Variants in PRUNE2 observed in about 807,000 individuals in gnomAD.
The protein encoded by PRUNE2 is prune homolog 2 with BCH domain, also known as protein prune homolog 2.
In PRUNE2, 164 loss-of-function variants were observed where a neutral mutation model predicts 252.0. That is an observed-to-expected ratio of 0.65 (90% confidence interval 0.57 to 0.74). The LOEUF is 0.74. Ranked by LOEUF, PRUNE2 falls within the 30% of genes least tolerant of loss-of-function variation. The pLI is 0.00. For synonymous variants in PRUNE2, 1,292 were observed against 1,350.2 expected, an observed-to-expected ratio of 0.96 and a Z score of 0.94; for missense variants, 3,495 against 3,711.0, an observed-to-expected ratio of 0.94 and a Z score of 1.51.
intron 6 of PRUNE2, among the ~76,000 whole-genome samples, chr9:76,804,843 T>A (rs753161401): frequency 7.9e-5 from 12 of 152,142 alleles, no homozygotes; most frequent in African/African-American, 1.4e-4. Flanking sequence ...TTTGAAAACT[T>A]CTCTCTTCCT....
chr9:76,641,896 C>T, intron 12 of PRUNE2: 1 of 1,500,708 alleles, frequency 6.7e-7, no homozygotes, highest in Non-Finnish European at 8.8e-7. Flanking sequence ...AACATACACA[C>T]ACACACACCA....
intron 18 of PRUNE2, among the ~76,000 whole-genome samples, chr9:76,617,658 GAAGT>G (rs1055114694): frequency 2.6e-5 from 4 of 152,164 alleles, no homozygotes; most frequent in African/African-American, 9.7e-5. Context: ...TAAAAAGTGG[GAAGT>G]AACAATAACA....
intron 1 of PRUNE2, among the ~76,000 whole-genome samples, chr9:76,896,744 A>G (rs2062846151): frequency 1.3e-5 from 2 of 152,144 alleles, no homozygotes; most frequent in Admixed American, 6.6e-5. Flanking sequence ...CTAACCCTGG[A>G]TCTTCTCCTG....
At chr9:76,881,620 CT>C (rs528980648) in intron 1 of PRUNE2, among the ~76,000 whole-genome samples, 5,723 of 142,012 alleles carry the variant, frequency 0.04, 351 homozygotes, top group African/African-American at 0.13. Flanking sequence ...CTGGACATTT[CT>C]TTTTTTTTTT....
chr9:76,788,505 G>C (rs768698594), intron 6 of PRUNE2: 1 of 719,496 alleles, frequency 1.4e-6, no homozygotes, highest in South Asian at 1.5e-5. Context: ...CCAGCCATGT[G>C]CCCTTGGGGA....
In PRUNE2 at chr9:76,718,560, C is replaced by T. The variant is rs116679761; in HGVS notation, c.757-4839G>A. The stretch of plus-strand genomic sequence containing the variant: ...TAATTCCTTCACCTTCCTGACACCA[C>T]ACACCTTGTTTTTCTCCGGATTCAC... On this transcript the variant is annotated intron_variant, in intron 6 of 18. Coordinates refer to ENST00000376718, the MANE Select transcript of PRUNE2 (RefSeq NM_015225.3). Among the ~76,000 whole-genome samples the T allele has an allele frequency of 5.8e-3, 876 of 152,340 alleles. 5 individuals carry two copies. The highest frequency in any genetic ancestry group is 0.019 in the African/African-American group (789 of 41,572).
chr9:76,647,977 A>G (rs1486209101), intron 11 of PRUNE2, among the ~76,000 whole-genome samples: 1 of 152,154 alleles, frequency 6.6e-6, no homozygotes, highest in African/African-American at 2.4e-5. Context: ...AACAACAACA[A>G]CAACAAAAAC....
intron 9 of PRUNE2, among the ~76,000 whole-genome samples, chr9:76,680,409 C>A (rs1297340451): frequency 6.6e-6 from 1 of 152,040 alleles, no homozygotes; most frequent in African/African-American, 2.4e-5. Context: ...GGTGAGGATA[C>A]AGAGAAATTG....
chr9:76,704,845 T>A lies in PRUNE2; in HGVS notation c.7429A>T (p.Ile2477Phe), dbSNP rs765730620. Reference protein sequence around the residue: ...VYLPVGAGSNILSPSNVDWEV... With the variant: ...VYLPVGAGSNFLSPSNVDWEV... ...CAGTCAACGTTTGATGGAGACAAAATGTTGGAGCCTGCTCCTACCGGCAAA... is the reference window on the plus strand; with the variant it reads ...CAGTCAACGTTTGATGGAGACAAAAAGTTGGAGCCTGCTCCTACCGGCAAA... The change falls in exon 8 of 19, where the codon ATT becomes TTT. Residue 2477 changes from isoleucine to phenylalanine, a missense_variant. By Grantham distance (21) the Ile-to-Phe change is conservative. Transcript: ENST00000376718. The A allele has an allele frequency of 4.9e-5, 78 of 1,597,084 alleles. No individual in the cohort carries two copies. The highest frequency in any genetic ancestry group is 6.2e-5 in the Non-Finnish European group (72 of 1,170,692).
intron 6 of PRUNE2, among the ~76,000 whole-genome samples, chr9:76,815,841 C>T (rs1420240834): frequency 6.6e-6 from 1 of 152,106 alleles, no homozygotes; most frequent in Non-Finnish European, 1.5e-5. Flanking sequence ...CAAGTTGTCT[C>T]CAACTTGAGT....
chr9:76,818,628 C>T (rs994781767), intron 6 of PRUNE2, among the ~76,000 whole-genome samples: 5 of 151,930 alleles, frequency 3.3e-5, no homozygotes, highest in Non-Finnish European at 7.4e-5. Context: ...AGAAAACGGC[C>T]CTGAACAATT....
chr9:76,762,385 G>A (rs2051821040), intron 6 of PRUNE2, among the ~76,000 whole-genome samples: 6 of 152,190 alleles, frequency 3.9e-5, no homozygotes, highest in Admixed American at 3.9e-4. Context: ...AATGGCGGTT[G>A]CAGAAATGTG....
intron 6 of PRUNE2, among the ~76,000 whole-genome samples, chr9:76,732,594 C>T (rs1050099962): frequency 7.9e-5 from 12 of 152,188 alleles, no homozygotes; most frequent in Non-Finnish European, 7.4e-5. Context: ...GGTTAGCAGG[C>T]CTGATTAACT....
intron 6 of PRUNE2, among the ~76,000 whole-genome samples, chr9:76,748,116 T>C (rs1347896669): frequency 6.6e-6 from 1 of 152,144 alleles, no homozygotes; most frequent in African/African-American, 2.4e-5. Flanking sequence ...ATACTAGGAA[T>C]TCTGGTCAAA....
At chr9:76,815,782 T>A (rs562261492) in intron 6 of PRUNE2, among the ~76,000 whole-genome samples, 1 of 152,228 alleles carries the variant, frequency 6.6e-6, no homozygotes, top group African/African-American at 2.4e-5. Context: ...TTAAGTCCAT[T>A]TGAAACTGAC....
chr9:76,719,549 G>T (rs188561555), intron 6 of PRUNE2, among the ~76,000 whole-genome samples: 1 of 151,968 alleles, frequency 6.6e-6, no homozygotes, highest in Non-Finnish European at 1.5e-5. Context: ...ACTTTGGGAG[G>T]CCAGGGCAGA....
Position 76,709,828 on chromosome 9 carries a change from A to AG in PRUNE2, c.2445dup (p.Trp816LeufsTer14). ...TTGCTGCTTGTTGGGTGCAAATTCC[A>AG]GGTATTTTTTAAAGCTTCATCATGA... On this transcript the variant is annotated frameshift_variant, in exon 8 of 19. Coordinates refer to ENST00000376718, the MANE Select transcript of PRUNE2 (RefSeq NM_015225.3). LOFTEE classifies it high-confidence loss of function. 6.2e-7 allele frequency: 1 copy of AG among 1,613,884 alleles called. No homozygotes were observed. The highest frequency in any genetic ancestry group is 1.1e-5 in the South Asian group (1 of 91,072).
At chr9:76,883,440 A>G (rs989992486) in intron 1 of PRUNE2, among the ~76,000 whole-genome samples, 4 of 152,210 alleles carry the variant, frequency 2.6e-5, no homozygotes, top group Admixed American at 2.6e-4. Context: ...TTGGATACCA[A>G]ACTAACCATG....
rs1250776235 is a variant in PRUNE2, at chr9:76,704,888, T to C, written c.7386A>G (p.Glu2462=). The change falls in exon 8 of 19, where the codon GAA becomes GAG. Residue 2462 remains glutamate (E), a synonymous_variant. Transcript: ENST00000376718. ...CCGGCAAATAAACGGACTCAGGGTCTTCACGAATATGCAGCACAGCCAGCT... is the reference window on the plus strand; with the variant it reads ...CCGGCAAATAAACGGACTCAGGGTCCTCACGAATATGCAGCACAGCCAGCT... ...GSQLAVLHIR[E]DPESVYLPVG... is the part of the protein sequence containing the mutation. The C allele has an allele frequency of 6.2e-7, 1 of 1,609,368 alleles. No individual in the cohort carries two copies. Among genetic ancestry groups the C allele is most frequent in the Non-Finnish European group, 8.5e-7 (1 of 1,177,616 alleles).
Sources: allele counts gnomAD v4.1 joint callset (sites outside exome capture counted in the v4.1 genomes callset), GRCh38; gene constraint gnomAD v4.1.1; transcripts MANE v1.5; gene names NCBI Gene and HGNC (gene_info 2026-07-23, HGNC 2026-07-21).